The following MNAT1 variants were observed in gnomAD, a reference collection of about 807,000 sequenced individuals.
MNAT1 encodes the protein CDK-activating kinase assembly factor MAT1.
In MNAT1, 43 loss-of-function variants were observed where a neutral mutation model predicts 42.0. That is an observed-to-expected ratio of 1.02 (90% CI 0.80 to 1.32). The LOEUF (loss-of-function observed/expected upper bound fraction) is 1.32. MNAT1 is among the 40% of genes most tolerant of loss of function. MNAT1 has a pLI of 0.00. For synonymous variants in MNAT1, 118 were observed against 120.0 expected (o/e 0.98, Z 0.11); for missense variants, 306 against 350.4 (o/e 0.87, Z 1.01).
intron 1 of MNAT1, among the ~76,000 whole-genome samples, chr14:60,755,760 T>C (rs1264346666): frequency 2.6e-5 from 4 of 152,220 alleles, no homozygotes; most frequent in Non-Finnish European, 4.4e-5. Flanking sequence ...AATTGGCTCT[T>C]GTTTTGGCAT....
intron 7 of MNAT1, among the ~76,000 whole-genome samples, chr14:60,899,852 G>C (rs2035035988): frequency 1.3e-5 from 2 of 152,080 alleles, no homozygotes; most frequent in African/African-American, 4.8e-5. Flanking sequence ...CTCACCTCAT[G>C]TCTGTTTTTC....
intron 4 of MNAT1, among the ~76,000 whole-genome samples, 169 bp from the exon 5 acceptor site, chr14:60,811,817 CT>C: frequency 6.6e-6 from 1 of 152,142 alleles, no homozygotes; most frequent in East Asian, 1.9e-4. Context: ...AGTAACGTGT[CT>C]ACATGAAATA....
intron 7 of MNAT1, among the ~76,000 whole-genome samples, chr14:60,885,947 G>A (rs2034659389): frequency 6.6e-6 from 1 of 151,870 alleles, no homozygotes; most frequent in African/African-American, 2.4e-5. Flanking sequence ...TTTTAATATG[G>A]TGTATGATAA....
chr14:60,792,899 T>C (rs1217252195), intron 1 of MNAT1, among the ~76,000 whole-genome samples: 1 of 152,188 alleles, frequency 6.6e-6, no homozygotes, highest in African/African-American at 2.4e-5. Flanking sequence ...GAATGTAAAG[T>C]TTTATTTGAA....
chr14:60,952,745 A>C (rs1461075658), intron 7 of MNAT1, among the ~76,000 whole-genome samples: 1 of 152,156 alleles, frequency 6.6e-6, no homozygotes, highest in Non-Finnish European at 1.5e-5. Context: ...AACATATTGG[A>C]CTATAATTAA....
At position 60,928,930 on chromosome 14, in the gene MNAT1, C is replaced by T. The variant is rs115642880; in HGVS notation, c.810-39299C>T. 7.3e-3 allele frequency among the ~76,000 whole-genome samples: 1,105 copies of T among 150,850 alleles called. 15 individuals carry two copies. Among genetic ancestry groups the T allele is most frequent in the African/African-American group, 0.026 (1,053 of 41,172 alleles). On this transcript the variant is annotated intron_variant, in intron 7 of 7. Coordinates refer to ENST00000261245, the MANE Select transcript of MNAT1 (RefSeq NM_002431.4). The stretch of plus-strand genomic sequence containing the variant: ...GCCTAGGTGGGCAGATTACAGATTA[C>T]GAGGTCAGGAGATCAAGACCATCCT...
intron 1 of MNAT1, among the ~76,000 whole-genome samples, chr14:60,738,851 T>C (rs1349822935): frequency 6.6e-6 from 1 of 152,212 alleles, no homozygotes; most frequent in Non-Finnish European, 1.5e-5. Context: ...TGGCTCTTAA[T>C]GAAAAATTTT....
rs549622034 is a variant in MNAT1, at chr14:60,764,168, AGTGGT to A, written c.89+29218_89+29222del. Among the ~76,000 whole-genome samples the A allele has an allele frequency of 4.5e-4, 69 of 152,304 alleles. No homozygotes were observed. The South Asian group carries it at 0.014, about 31-fold the overall frequency. On this transcript the variant is annotated intron_variant, in intron 1 of 7. Coordinates refer to ENST00000261245, the MANE Select transcript of MNAT1 (RefSeq NM_002431.4). ...TTTAGAGTGTTATGTAATATTTGTT[AGTGGT>A]ATGATATATCTGTTAAACTACTTAT...
chr14:60,966,600 C>A (rs2036687750), intron 7 of MNAT1, among the ~76,000 whole-genome samples: 1 of 152,220 alleles, frequency 6.6e-6, no homozygotes, highest in African/African-American at 2.4e-5. Flanking sequence ...GCAACCTCCA[C>A]CTCCTGGGTT....
At chr14:60,831,333 C>T (rs114108854) in intron 6 of MNAT1, among the ~76,000 whole-genome samples, 1,982 of 152,222 alleles carry the variant, frequency 0.013, 42 homozygotes, top group African/African-American at 0.045. Flanking sequence ...CCCCTAGCTC[C>T]CTGCCCCCAG....
chr14:60,751,276 C>T (rs2030081421), intron 1 of MNAT1, among the ~76,000 whole-genome samples: 1 of 151,684 alleles, frequency 6.6e-6, no homozygotes, highest in Non-Finnish European at 1.5e-5. Flanking sequence ...TTTTTTTTTA[C>T]TGTAATGCAA....
intron 6 of MNAT1, among the ~76,000 whole-genome samples, chr14:60,859,222 A>G (rs968798711): frequency 1.3e-5 from 2 of 152,164 alleles, no homozygotes; most frequent in African/African-American, 2.4e-5. Flanking sequence ...TCTCTTGCCT[A>G]TTTTGGTGCT....
At chr14:60,818,962 G>A in intron 6 of MNAT1, 115 bp downstream of exon 6, 1 of 1,221,392 alleles carries the variant, frequency 8.2e-7, no homozygotes, top group East Asian at 2.5e-5. Flanking sequence ...AACAGTGTCT[G>A]ATCTAGTTTT....
chr14:60,744,570 AGT>A (rs1305797610), intron 1 of MNAT1, among the ~76,000 whole-genome samples: 1 of 152,164 alleles, frequency 6.6e-6, no homozygotes, highest in African/African-American at 2.4e-5. Context: ...TTTTGTGAAA[AGT>A]GTTGATTTTA....
At chr14:60,858,453 T>C (rs2034016183) in intron 6 of MNAT1, among the ~76,000 whole-genome samples, 1 of 152,086 alleles carries the variant, frequency 6.6e-6, no homozygotes, top group Admixed American at 6.5e-5. Context: ...TTTAAGTTCT[T>C]TGTAGATTCT....
rs916711957 is a variant in MNAT1, at chr14:60,802,197, T to C, written c.316+4037T>C. Among the ~76,000 whole-genome samples the C allele has an allele frequency of 1.1e-4, 16 of 152,284 alleles. No individual in the cohort carries two copies. In the East Asian group the frequency reaches 1.9e-3, roughly 18 times the overall value. On this transcript the variant is annotated intron_variant, in intron 3 of 7. Coordinates refer to ENST00000261245, the MANE Select transcript of MNAT1 (RefSeq NM_002431.4). ...ATTGGAGAATAGGCAGTATTTTTTA[T>C]TATTTTGTTGCCTAAGGATATGAAA...
intron 7 of MNAT1, among the ~76,000 whole-genome samples, chr14:60,897,238 G>A (rs747329510): frequency 7.9e-5 from 12 of 151,916 alleles, no homozygotes; most frequent in East Asian, 3.9e-4. Context: ...CTTTGATACC[G>A]GCCATGAAAA....
chr14:60,860,025 C>T (rs904396517), intron 6 of MNAT1, among the ~76,000 whole-genome samples: 1 of 152,132 alleles, frequency 6.6e-6, no homozygotes, highest in Admixed American at 6.5e-5. Flanking sequence ...GAATTGTTCC[C>T]AGGGCCTGAG....
At chr14:60,843,919 A>C (rs2033614949) in intron 6 of MNAT1, among the ~76,000 whole-genome samples, 1 of 152,128 alleles carries the variant, frequency 6.6e-6, no homozygotes, top group African/African-American at 2.4e-5. Flanking sequence ...TAGTTTTTGC[A>C]TTTATAGTTG....
Sources: gnomAD v4.1 joint callset for allele counts (sites outside exome capture counted in the v4.1 genomes callset) on GRCh38, gnomAD v4.1.1 for gene constraint, MANE v1.5 for transcripts, NCBI Gene and HGNC (gene_info 2026-07-23, HGNC 2026-07-21) for gene names.